Variants in SP3 observed in about 807,000 individuals in gnomAD.
SP3 encodes the protein Sp3 transcription factor, also known as transcription factor Sp3.
In SP3, 10 loss-of-function variants were observed where a neutral mutation model predicts 70.3. The ratio of observed to expected loss-of-function variants is 0.14; its 90% CI spans 0.09 to 0.24. The LOEUF is 0.24. Ranked by LOEUF, SP3 falls within the 10% of genes least tolerant of loss-of-function variation. The pLI is 1.00. For synonymous variants in SP3, 402 were observed against 333.5 expected (o/e 1.21, Z -2.24); for missense variants, 825 against 914.6 (o/e 0.90, Z 1.26).
Position 173,955,873 on chromosome 2 carries a change from G to C in SP3, c.639C>G (p.Thr213=). The change falls in exon 4 of 7, where the codon ACC becomes ACG. Residue 213 remains threonine (T), a synonymous_variant. Transcript: ENST00000310015. The part of the protein sequence containing the change: ...QIQIIPGSNQ[T]LLASGTPSAN... Reference sequence around the variant, plus strand: ...CAGAAGGTGTTCCAGAGGCAAGTAAGGTTTGATTAGAGCCAGGAATGATCT... The same window carrying C: ...CAGAAGGTGTTCCAGAGGCAAGTAACGTTTGATTAGAGCCAGGAATGATCT... 1 of 1,614,174 alleles carries C rather than the reference G, an allele frequency of 6.2e-7. No homozygotes were observed. Among genetic ancestry groups the C allele is most frequent in the Non-Finnish European group, 8.5e-7 (1 of 1,180,016 alleles).
chr2:173,923,585 CTTAAT>C (rs1481440383), intron 4 of SP3, among the ~76,000 whole-genome samples: 5 of 152,048 alleles, frequency 3.3e-5, no homozygotes, highest in African/African-American at 9.7e-5. Context: ...AACACGCATA[CTTAAT>C]TTAAATAGCT....
chr2:173,954,825 T>C (rs184443643), intron 4 of SP3, 48 bp downstream of exon 4: 579 of 1,561,832 alleles, frequency 3.7e-4, no homozygotes, highest in Non-Finnish European at 4.8e-4. Flanking sequence ...TTTCCCTCTA[T>C]GTATTATCAC....
intron 4 of SP3, among the ~76,000 whole-genome samples, chr2:173,926,092 T>C (rs1689901307): frequency 6.6e-6 from 1 of 152,168 alleles, no homozygotes; most frequent in African/African-American, 2.4e-5. Flanking sequence ...CTGCTCTTGA[T>C]TCAAAACAAA....
At position 173,952,518 on chromosome 2, in the gene SP3, G is replaced by A. The variant is rs551399177; in HGVS notation, c.1639+2355C>T. Among the ~76,000 whole-genome samples, 124 of 152,208 alleles carry A rather than the reference G, an allele frequency of 8.1e-4. 1 individual carries two copies. Among genetic ancestry groups the A allele is most frequent in the Middle Eastern group, 6.8e-3 (2 of 294 alleles). ...AACGGTATGGTCTCTTTGGAAAACC[G>A]GTTAAACCCAATTGCCATATAACCC... is the stretch of plus-strand genomic sequence containing the variant. On this transcript the variant is annotated intron_variant, in intron 4 of 6. Coordinates refer to ENST00000310015, the MANE Select transcript of SP3 (RefSeq NM_003111.5).
intron 5 of SP3, 117 bp downstream of exon 5, chr2:173,918,476 C>A: frequency 9.2e-7 from 1 of 1,092,692 alleles, no homozygotes; most frequent in Non-Finnish European, 1.3e-6. Context: ...CATACACACA[C>A]ACCAAAAATG....
intron 4 of SP3, among the ~76,000 whole-genome samples, chr2:173,933,971 A>G (rs912108626): frequency 2.5e-5 from 2 of 78,978 alleles, no homozygotes; most frequent in Admixed American, 3.0e-4. Flanking sequence ...GGTGGTGTAC[A>G]TCTGTAGTCC....
intron 3 of SP3, among the ~76,000 whole-genome samples, chr2:173,956,669 G>A (rs1189760129): frequency 3.3e-5 from 5 of 152,136 alleles, no homozygotes; most frequent in African/African-American, 1.2e-4. Context: ...ATCAAACAAT[G>A]AAATCTACTC....
Position 173,902,302 on chromosome 2 carries a change from A to G in SP3, c.*7639T>C, listed in dbSNP as rs971001363. ...CCAAAACAAAATTTCATTGTTATTC[A>G]TTGGAAAAAACATATCTGCCAAGGC... On this transcript the variant is annotated 3_prime_UTR_variant, in exon 7 of 7. Transcript: ENST00000310015. Among the ~76,000 whole-genome samples the G allele has an allele frequency of 6.6e-6, 1 of 152,232 alleles. No homozygotes were observed. Among genetic ancestry groups the G allele is most frequent in the Non-Finnish European group, 1.5e-5 (1 of 68,034 alleles).
chr2:173,924,279 A>G (rs1689846130), intron 4 of SP3, among the ~76,000 whole-genome samples: 1 of 152,226 alleles, frequency 6.6e-6, no homozygotes, highest in Non-Finnish European at 1.5e-5. Context: ...TTTTATATAC[A>G]CATACATATG....
At chr2:173,914,944 A>T (rs1689585272) in intron 5 of SP3, 1 of 152,178 alleles carries the variant, frequency 6.6e-6, no homozygotes, top group Admixed American at 6.5e-5. Context: ...CGTGTTCACC[A>T]TAGCAATTTC....
intron 4 of SP3, among the ~76,000 whole-genome samples, chr2:173,950,406 C>T (rs1690677662): frequency 6.6e-6 from 1 of 151,976 alleles, no homozygotes; most frequent in Non-Finnish European, 1.5e-5. Flanking sequence ...AGGCTAGGCA[C>T]AGTGGCCCAT....
intron 4 of SP3, among the ~76,000 whole-genome samples, chr2:173,924,818 TTA>T (rs1689864538): frequency 6.6e-6 from 1 of 152,226 alleles, no homozygotes; most frequent in African/African-American, 2.4e-5. Flanking sequence ...TTAATTAGTT[TTA>T]GTTTAATTAA....
At chr2:173,952,821 A>T (rs1175436738) in intron 4 of SP3, among the ~76,000 whole-genome samples, 1 of 152,232 alleles carries the variant, frequency 6.6e-6, no homozygotes, top group Non-Finnish European at 1.5e-5. Flanking sequence ...ATATTGTACA[A>T]TTACACTGAT....
rs1049390977 is a variant in SP3 at position 173,901,096 on chromosome 2, G to T, written c.*8845C>A. On this transcript the variant is annotated 3_prime_UTR_variant, in exon 7 of 7. Transcript: ENST00000310015. ...AGGGCATTATAATCAGCAGGGAAAC[G>T]TTGGACCATTCAATAAACTGCTAAG... 1.3e-5 allele frequency among the ~76,000 whole-genome samples: 2 copies of T among 152,108 alleles called. No homozygotes were observed. The highest frequency in any genetic ancestry group is 4.1e-4 in the South Asian group (2 of 4,830).
rs1574391532 is a variant in SP3 at position 173,906,856 on chromosome 2, G to A, written c.*3085C>T. The A allele has an allele frequency of 6.6e-6, 1 of 152,120 alleles. No homozygotes were observed. The highest frequency in any genetic ancestry group is 6.5e-5 in the Admixed American group (1 of 15,270). 9.4% of individuals were successfully genotyped at this position (152,120 alleles called of 1,614,324 possible). ...GATGTTGATTTAGTAAGCTGAGGTG[G>A]CTACCAGGCCTATGGAATCTCTAAA... On this transcript the variant is annotated 3_prime_UTR_variant, in exon 7 of 7. Coordinates refer to ENST00000310015, the MANE Select transcript of SP3 (RefSeq NM_003111.5).
At position 173,904,499 on chromosome 2, in the gene SP3, A is replaced by G. The variant is rs1406829430; in HGVS notation, c.*5442T>C. ...GGATGAAATGCAGATAGTGAAATGC[A>G]AGACACTGGAACAAACACTGCCAAG... On this transcript the variant is annotated 3_prime_UTR_variant, in exon 7 of 7. Coordinates refer to ENST00000310015, the MANE Select transcript of SP3 (RefSeq NM_003111.5). Among the ~76,000 whole-genome samples, 3 of 152,226 alleles carry G rather than the reference A, an allele frequency of 2.0e-5. No individual in the cohort carries two copies. Among genetic ancestry groups the G allele is most frequent in the Non-Finnish European group, 4.4e-5 (3 of 68,040 alleles).
intron 2 of SP3, 200 bp downstream of exon 2, chr2:173,964,205 G>A (rs1429290778): frequency 1.5e-5 from 7 of 468,220 alleles, no homozygotes; most frequent in East Asian, 1.5e-4. Flanking sequence ...ACAAAAAGGC[G>A]GCAGGCGGGC....
At chr2:173,912,752 T>C (rs951801527) in intron 6 of SP3, among the ~76,000 whole-genome samples, 1 of 152,106 alleles carries the variant, frequency 6.6e-6, no homozygotes, top group Non-Finnish European at 1.5e-5. Context: ...ATAGGATAGA[T>C]CAAGAGTAAA....
intron 3 of SP3, among the ~76,000 whole-genome samples, 186 bp from the exon 4 acceptor site, chr2:173,956,418 A>G (rs996318115): frequency 2.0e-5 from 3 of 152,200 alleles, no homozygotes; most frequent in African/African-American, 7.2e-5. Context: ...TTGTTACTGC[A>G]AAGACAATTC....
Sources: gnomAD v4.1 joint callset for allele counts (sites outside exome capture counted in the v4.1 genomes callset) on GRCh38, gnomAD v4.1.1 for gene constraint, MANE v1.5 for transcripts, NCBI Gene and HGNC (gene_info 2026-07-23, HGNC 2026-07-21) for gene names.